UBR3: variants seen among roughly 807,000 people sequenced by gnomAD.
UBR3 encodes ubiquitin protein ligase E3 component n-recognin 3, also known as E3 ubiquitin-protein ligase UBR3.
In UBR3, 85 loss-of-function variants were observed where a neutral mutation model predicts 243.2. The observed-to-expected ratio is 0.35, with a 90% CI of 0.29 to 0.42. The LOEUF (loss-of-function observed/expected upper bound fraction) is 0.42. Ranked by LOEUF, UBR3 falls within the 10% of genes least tolerant of loss-of-function variation. The pLI is 1.00. For synonymous variants in UBR3, 748 were observed against 799.8 expected, an observed-to-expected ratio of 0.94 and a Z score of 1.09; for missense variants, 1,686 against 2,300.8, an observed-to-expected ratio of 0.73 and a Z score of 5.47.
At chr2:169,847,106 T>C (rs1559014455) in intron 1 of UBR3, among the ~76,000 whole-genome samples, 1 of 101,492 alleles carries the variant, frequency 9.9e-6, no homozygotes, top group East Asian at 2.5e-4. Context: ...TGTGTGTGTG[T>C]GTGTGTGTGT....
At chr2:169,963,397 C>T (rs1211840952) in intron 24 of UBR3, among the ~76,000 whole-genome samples, 1 of 152,146 alleles carries the variant, frequency 6.6e-6, no homozygotes, top group Non-Finnish European at 1.5e-5. Context: ...CTTTCTCCTC[C>T]AGTCTCAGAA....
intron 24 of UBR3, among the ~76,000 whole-genome samples, chr2:169,985,609 C>T (rs2088966247): frequency 6.6e-6 from 1 of 152,016 alleles, no homozygotes; most frequent in South Asian, 2.1e-4. Context: ...GTGTATTTTC[C>T]TAGACATTGT....
In UBR3 at chr2:169,869,171, C is replaced by CTT. The variant is rs145764252; in HGVS notation, c.546-3055_546-3054dup. Among the ~76,000 whole-genome samples, 482 of 119,266 alleles carry CTT rather than the reference C, an allele frequency of 4.0e-3. 13 individuals carry two copies. Among genetic ancestry groups the CTT allele is most frequent in the Admixed American group, 0.03 (327 of 11,046 alleles). 78.2% of individuals were successfully genotyped at this position (119,266 alleles called of 152,430 possible). On this transcript the variant is annotated intron_variant, in intron 1 of 38. Coordinates refer to ENST00000272793, the MANE Select transcript of UBR3 (RefSeq NM_172070.4). ...TTTACTCACATCACAGTCTCTCTGC[C>CTT]TTTTTTTTTTTGTTTAAACTTCTGG... is the stretch of plus-strand genomic sequence containing the variant.
At chr2:169,873,555 C>T (rs1453727712) in intron 2 of UBR3, among the ~76,000 whole-genome samples, 1 of 151,906 alleles carries the variant, frequency 6.6e-6, no homozygotes, top group Non-Finnish European at 1.5e-5. Flanking sequence ...TGCCTGTAGT[C>T]CTAGCTACTT....
At chr2:170,054,676 T>G (rs1352984185) in intron 32 of UBR3, among the ~76,000 whole-genome samples, 1 of 152,202 alleles carries the variant, frequency 6.6e-6, no homozygotes, top group Non-Finnish European at 1.5e-5. Context: ...GCCAAATTAG[T>G]AACCTAAACA....
At chr2:170,072,311 C>T (rs1329087866) in intron 35 of UBR3, among the ~76,000 whole-genome samples, 2 of 151,846 alleles carry the variant, frequency 1.3e-5, no homozygotes, top group African/African-American at 2.4e-5. Flanking sequence ...TCTCAGTAAA[C>T]TATCACAAGA....
Position 169,889,462 on chromosome 2 carries a change from A to T in UBR3, c.1039-1703A>T, listed in dbSNP as rs866635600. On this transcript the variant is annotated intron_variant, in intron 5 of 38. Coordinates refer to ENST00000272793, the MANE Select transcript of UBR3 (RefSeq NM_172070.4). The stretch of plus-strand genomic sequence containing the variant: ...CAGGTCTTGGAGAACCAGTTTCATA[A>T]ATGGCTATTAGCTGAAATCTTAAAT... Among the ~76,000 whole-genome samples the T allele has an allele frequency of 4.6e-5, 7 of 152,282 alleles. No individual in the cohort carries two copies. In the Middle Eastern group the frequency reaches 0.014, roughly 296 times the overall value.
chr2:170,058,449 A>G (rs889960250), intron 33 of UBR3, among the ~76,000 whole-genome samples: 2 of 150,586 alleles, frequency 1.3e-5, no homozygotes, highest in Admixed American at 6.6e-5. Flanking sequence ...TTATACTAGA[A>G]TTTCTTTTCT....
chr2:169,859,906 A>G (rs2083028945), intron 1 of UBR3, among the ~76,000 whole-genome samples: 2 of 151,886 alleles, frequency 1.3e-5, no homozygotes, highest in South Asian at 2.1e-4. Flanking sequence ...TTTAGTGGAG[A>G]CGGGGTTTCA....
rs1239860880 is a variant in UBR3 at position 169,925,727 on chromosome 2, C to G, written c.2131C>G (p.Pro711Ala). 1.9e-6 allele frequency: 3 copies of G among 1,548,498 alleles called. No homozygotes were observed. The East Asian group carries it at 7.4e-5, about 38-fold the overall frequency. The change falls in exon 14 of 39, where the codon CCT becomes GCT. Residue 711 changes from proline to alanine, a missense_variant. Physicochemically the swap from Pro to Ala is conservative, Grantham distance 27. This residue lies in a region of UBR3 where 346 missense variants were observed against 585.8 expected (regional missense o/e 0.59). Coordinates refer to ENST00000272793, the MANE Select transcript of UBR3 (RefSeq NM_172070.4). Reference protein sequence around the residue: ...QSHFCNSMIDPDIYLLQVCAS... With the variant: ...QSHFCNSMIDADIYLLQVCAS... ...TCATTTCTGTAATTCCATGATTGAT[C>G]CTGACATTTACCTGTTACAGGTAAG...
At chr2:169,947,429 A>C in intron 21 of UBR3, 113 bp from the exon 22 acceptor site, 2 of 769,624 alleles carry the variant, frequency 2.6e-6, no homozygotes, top group African/African-American at 1.8e-5. Flanking sequence ...TGAGACAATA[A>C]GGGATTCAGG....
chr2:169,846,629 G>A (rs2105289442), intron 1 of UBR3, among the ~76,000 whole-genome samples: 1 of 150,694 alleles, frequency 6.6e-6, no homozygotes, highest in South Asian at 2.1e-4. Context: ...AGAATCGCTT[G>A]AACCCAGGAG....
intron 6 of UBR3, among the ~76,000 whole-genome samples, chr2:169,892,726 T>C (rs1301949751): frequency 6.6e-6 from 1 of 152,192 alleles, no homozygotes; most frequent in Non-Finnish European, 1.5e-5. Flanking sequence ...TGTAAGAATT[T>C]TGTTCCACAG....
intron 32 of UBR3, among the ~76,000 whole-genome samples, chr2:170,047,036 C>T (rs1005717872): frequency 1.3e-5 from 2 of 152,092 alleles, no homozygotes; most frequent in African/African-American, 4.8e-5. Flanking sequence ...GTTCTGTTGC[C>T]CAGGCTGGAG....
chr2:169,977,635 A>T (rs1042430720), intron 24 of UBR3, among the ~76,000 whole-genome samples: 1 of 152,014 alleles, frequency 6.6e-6, no homozygotes, highest in African/African-American at 2.4e-5. Flanking sequence ...GCTGAATATC[A>T]CCCTTCTGCC....
At chr2:170,019,015 T>TA (rs1365900465) in intron 30 of UBR3, among the ~76,000 whole-genome samples, 1 of 152,202 alleles carries the variant, frequency 6.6e-6, no homozygotes. Context: ...GAGCATAATA[T>TA]AAAAAATTAT....
In UBR3 at chr2:169,996,555, C is replaced by T. The variant is rs572115803; in HGVS notation, c.3918+2099C>T. Among the ~76,000 whole-genome samples the T allele has an allele frequency of 1.1e-4, 16 of 152,146 alleles. 2 individuals carry two copies. The highest frequency in any genetic ancestry group is 3.9e-4 in the African/African-American group (16 of 41,514). Reference sequence around the variant, plus strand: ...GGGTTAGGTAATAAGGGTCATGCTTCCGTATATTTTCAGAGACTTTAAAAT... The same window carrying T: ...GGGTTAGGTAATAAGGGTCATGCTTTCGTATATTTTCAGAGACTTTAAAAT... On this transcript the variant is annotated intron_variant, in intron 26 of 38. Coordinates refer to ENST00000272793, the MANE Select transcript of UBR3 (RefSeq NM_172070.4).
intron 30 of UBR3, among the ~76,000 whole-genome samples, chr2:170,023,771 T>C (rs2090454093): frequency 6.6e-6 from 1 of 152,156 alleles, no homozygotes; most frequent in Non-Finnish European, 1.5e-5. Flanking sequence ...TTTTGTATTT[T>C]TAGTAGAGAT....
At chr2:169,869,171 C>CT (rs145764252) in intron 1 of UBR3, among the ~76,000 whole-genome samples, 27,851 of 119,132 alleles carry the variant, frequency 0.23, 3,612 homozygotes, top group South Asian at 0.38. Flanking sequence ...GTCTCTCTGC[C>CT]TTTTTTTTTT....
Sources: gnomAD v4.1 joint callset for allele counts (sites outside exome capture counted in the v4.1 genomes callset) on GRCh38, gnomAD v4.1.1 for gene constraint, gnomAD v4.1.1 regional missense constraint, MANE v1.5 for transcripts, NCBI Gene and HGNC (gene_info 2026-07-23, HGNC 2026-07-21) for gene names.